MTSS1: variants seen among roughly 807,000 people sequenced by gnomAD.
MTSS1 encodes the protein protein MTSS 1.
Under a neutral mutation model 79.0 loss-of-function variants are expected in MTSS1, and 18 were observed. The observed-to-expected ratio is 0.23, with a 90% CI of 0.16 to 0.34. MTSS1 has a LOEUF of 0.34. Ranked by LOEUF, MTSS1 falls within the 10% of genes least tolerant of loss-of-function variation. The pLI, the probability that MTSS1 is intolerant of heterozygous loss-of-function variation, is 1.00. For synonymous variants in MTSS1, 341 were observed against 368.6 expected (o/e 0.93, Z 0.86); for missense variants, 815 against 986.2 (o/e 0.83, Z 2.33).
chr8:124,657,327 G>C (rs1485798464), intron 3 of MTSS1, among the ~76,000 whole-genome samples: 1 of 152,058 alleles, frequency 6.6e-6, no homozygotes, highest in Non-Finnish European at 1.5e-5. Flanking sequence ...TGCGTAATGG[G>C]GTAAGTGGGG....
At chr8:124,605,401 G>A (rs1834617299) in intron 3 of MTSS1, among the ~76,000 whole-genome samples, 1 of 152,200 alleles carries the variant, frequency 6.6e-6, no homozygotes, top group Non-Finnish European at 1.5e-5. Flanking sequence ...TTCTTGGGTT[G>A]TCAGGTAATT....
At chr8:124,675,699 T>A (rs2134793522) in intron 3 of MTSS1, among the ~76,000 whole-genome samples, 1 of 152,340 alleles carries the variant, frequency 6.6e-6, no homozygotes, top group South Asian at 2.1e-4. Context: ...AACTGCTTCC[T>A]ATCTCTATGG....
chr8:124,580,210 G>GGT (rs1439573635), intron 6 of MTSS1: 9 of 274,456 alleles, frequency 3.3e-5, no homozygotes, highest in African/African-American at 1.9e-4. Flanking sequence ...TACATACGCA[G>GGT]GTATATATGT....
chr8:124,630,790 C>A (rs1418965499), intron 3 of MTSS1, among the ~76,000 whole-genome samples: 3 of 151,924 alleles, frequency 2.0e-5, no homozygotes, highest in Non-Finnish European at 4.4e-5. Flanking sequence ...AAATCTAATA[C>A]AAAAAAAATG....
chr8:124,571,739 G>A (rs1397374206), intron 6 of MTSS1, among the ~76,000 whole-genome samples: 2 of 152,244 alleles, frequency 1.3e-5, no homozygotes, highest in African/African-American at 4.8e-5. Flanking sequence ...GCCGCGGCGG[G>A]CGGATCATGA....
chr8:124,663,744 G>A (rs181881759), intron 3 of MTSS1, among the ~76,000 whole-genome samples: 1 of 152,178 alleles, frequency 6.6e-6, no homozygotes, highest in Admixed American at 6.5e-5. Flanking sequence ...GTGTCCTTTT[G>A]TAAATGGCCT....
chr8:124,713,405 C>T (rs557592107), intron 1 of MTSS1, among the ~76,000 whole-genome samples: 33 of 152,236 alleles, frequency 2.2e-4, no homozygotes, highest in African/African-American at 7.0e-4. Context: ...TTTTTCATCC[C>T]CTAAATTCAA....
intron 3 of MTSS1, among the ~76,000 whole-genome samples, chr8:124,680,771 G>A (rs1169128784): frequency 1.3e-5 from 2 of 152,156 alleles, no homozygotes; most frequent in African/African-American, 4.8e-5. Flanking sequence ...TGTTTCTATA[G>A]GTACGAATGA....
intron 1 of MTSS1, among the ~76,000 whole-genome samples, chr8:124,721,614 T>A (rs1017088244): frequency 6.6e-6 from 1 of 152,060 alleles, no homozygotes; most frequent in Non-Finnish European, 1.5e-5. Context: ...TTCACCATGT[T>A]GGCCAGGCTC....
At chr8:124,621,977 G>A (rs1419367169) in intron 3 of MTSS1, among the ~76,000 whole-genome samples, 1 of 152,014 alleles carries the variant, frequency 6.6e-6, no homozygotes, top group African/African-American at 2.4e-5. Context: ...TCTCAGTGAT[G>A]CACCAGCACG....
At chr8:124,685,311 T>C (rs952046088) in intron 3 of MTSS1, among the ~76,000 whole-genome samples, 1 of 152,224 alleles carries the variant, frequency 6.6e-6, no homozygotes, top group Non-Finnish European at 1.5e-5. Flanking sequence ...TTATGTTATA[T>C]GAATTTCACC....
chr8:124,559,113 G>A (rs1017277035), intron 10 of MTSS1, among the ~76,000 whole-genome samples: 1 of 152,178 alleles, frequency 6.6e-6, no homozygotes, highest in South Asian at 2.1e-4. Flanking sequence ...CCAAGGACAC[G>A]GATTTGTGTG....
At chr8:124,605,015 G>A (rs954492462) in intron 3 of MTSS1, among the ~76,000 whole-genome samples, 1 of 152,130 alleles carries the variant, frequency 6.6e-6, no homozygotes, top group Non-Finnish European at 1.5e-5. Flanking sequence ...ACAAAAACAC[G>A]GACACGCTCA....
rs976072440 is a variant in MTSS1 at position 124,567,505 on chromosome 8, T to C, written c.619-327A>G. 4.4e-6 allele frequency: 4 copies of C among 908,830 alleles called. No homozygotes were observed. The Admixed American group carries it at 9.5e-5, about 22-fold the overall frequency. The allele number at this position is 908,830 out of a possible 1,614,324, so 56.3% of individuals were successfully genotyped here. Reference sequence around the variant, plus strand: ...CCCACGGGATCCTGCAGCACAGCCCTCTTCATACTGTGGCCCTTTTCTGAA... The same window carrying C: ...CCCACGGGATCCTGCAGCACAGCCCCCTTCATACTGTGGCCCTTTTCTGAA... On this transcript the variant is annotated intron_variant, in intron 7 of 13. Coordinates refer to ENST00000518547, the MANE Select transcript of MTSS1 (RefSeq NM_014751.6).
intron 3 of MTSS1, among the ~76,000 whole-genome samples, chr8:124,605,593 GCCTCCCTCCCTGCCCTCGCGC>G (rs1834678885): frequency 5.5e-5 from 8 of 144,326 alleles, no homozygotes; most frequent in African/African-American, 2.2e-4. Context: ...CCCTCTCGCT[GCCTCCCTCCCTGCCCTCGCGC>G]TGCCTCCCTC....
chr8:124,696,574 C>T (rs1261643084), intron 3 of MTSS1, among the ~76,000 whole-genome samples: 1 of 152,022 alleles, frequency 6.6e-6, no homozygotes, highest in African/African-American at 2.4e-5. Flanking sequence ...TCAAAGCAGC[C>T]AGATGCGGTG....
At chr8:124,665,942 C>G (rs1195183357) in intron 3 of MTSS1, among the ~76,000 whole-genome samples, 1 of 151,826 alleles carries the variant, frequency 6.6e-6, no homozygotes, top group East Asian at 1.9e-4. Flanking sequence ...GCTGATGAGT[C>G]TCACGATTTT....
chr8:124,727,621 T>C lies in MTSS1; in HGVS notation c.72+263A>G, dbSNP rs1345945241. On this transcript the variant is annotated intron_variant, in intron 1 of 13. Transcript: ENST00000518547. The surrounding 1 kb of genome is among the most constrained non-coding windows in gnomAD (Gnocchi z 4.7). The stretch of plus-strand genomic sequence containing the variant: ...GCCTTGAGCCCCCGAGGGAAAGAAA[T>C]GGTGCCGCCCCCTGGGACAATGAGC... 1.6e-6 allele frequency: 1 copy of C among 627,532 alleles called. No individual in the cohort carries two copies. The highest frequency in any genetic ancestry group is 3.0e-6 in the Non-Finnish European group (1 of 337,062). The allele number at this position is 627,532 out of a possible 1,614,324, so 38.9% of individuals were successfully genotyped here.
At chr8:124,611,041 G>A (rs59840244) in intron 3 of MTSS1, among the ~76,000 whole-genome samples, 11,218 of 150,326 alleles carry the variant, frequency 0.075, 847 homozygotes, top group African/African-American at 0.19. Context: ...CAGGTGCCTT[G>A]TATCCACATG....
Sources: gnomAD v4.1 joint callset for allele counts (sites outside exome capture counted in the v4.1 genomes callset) on GRCh38, gnomAD v4.1.1 for gene constraint, Gnocchi (gnomAD v3.1) non-coding constraint, MANE v1.5 for transcripts, NCBI Gene and HGNC (gene_info 2026-07-23, HGNC 2026-07-21) for gene names.